The following CSF2RB variants were observed in gnomAD, a reference collection of about 807,000 sequenced individuals.
CSF2RB encodes the protein colony stimulating factor 2 receptor subunit beta.
A neutral mutation model predicts 67.2 loss-of-function variants in CSF2RB; 22 were observed. That is an observed-to-expected ratio of 0.33 (90% confidence interval 0.23 to 0.47). The LOEUF (loss-of-function observed/expected upper bound fraction) is 0.47, where lower values mean the gene tolerates loss of function less well. Ranked by LOEUF, CSF2RB falls within the 20% of genes least tolerant of loss-of-function variation. The pLI is 1.00. For missense variants in CSF2RB, 1,113 were observed against 1,174.5 expected (o/e 0.95, Z 0.76); for synonymous variants, 507 against 482.9 (o/e 1.05, Z -0.65).
chr22:36,926,654 C>T (rs980250177), intron 4 of CSF2RB, among the ~76,000 whole-genome samples: 4 of 152,218 alleles, frequency 2.6e-5, no homozygotes, highest in Non-Finnish European at 5.9e-5. Flanking sequence ...AGCTTGTCTC[C>T]TCGCTGCCCT....
intron 8 of CSF2RB, among the ~76,000 whole-genome samples, chr22:36,932,517 A>G (rs1260710658): frequency 2.0e-5 from 3 of 152,220 alleles, no homozygotes; most frequent in African/African-American, 7.2e-5. Flanking sequence ...AAAAATAAAA[A>G]TAAAAATAGG....
rs956970456 is a variant in CSF2RB, at chr22:36,936,964, G to A, written c.1568+312G>A. 9.9e-5 allele frequency among the ~76,000 whole-genome samples: 15 copies of A among 152,074 alleles called. No individual in the cohort carries two copies. The South Asian group carries it at 1.7e-3, about 17-fold the overall frequency. ...GGGGTAGCTGGGGCTGCAGACTCCC[G>A]GGAACTCGGCGCCTGAGCCGGCAGC... On this transcript the variant is annotated intron_variant, in intron 13 of 13. Transcript: ENST00000403662.
At chr22:36,927,398 C>T (rs1941040476) in intron 4 of CSF2RB, among the ~76,000 whole-genome samples, 1 of 152,002 alleles carries the variant, frequency 6.6e-6, no homozygotes, top group South Asian at 2.1e-4. Flanking sequence ...GGGCAGGGCC[C>T]CTGGGAGATC....
intron 3 of CSF2RB, 107 bp downstream of exon 3, chr22:36,923,474 G>A (rs1280629333): frequency 4.7e-6 from 7 of 1,491,098 alleles, no homozygotes; most frequent in African/African-American, 1.4e-5. Context: ...CCTCGGGGTG[G>A]GAGTGGACAG....
chr22:36,925,654 C>T (rs1940997575), intron 3 of CSF2RB, among the ~76,000 whole-genome samples: 1 of 152,202 alleles, frequency 6.6e-6, no homozygotes, highest in Non-Finnish European at 1.5e-5. Context: ...TCCCTCAATG[C>T]CTTTAACATT....
chr22:36,937,260 A>G lies in CSF2RB; in HGVS notation c.1569-117A>G. The G allele has an allele frequency of 2.3e-6, 3 of 1,295,544 alleles. No individual in the cohort carries two copies. The Admixed American group carries it at 5.5e-5, about 24-fold the overall frequency. 80.3% of individuals were successfully genotyped at this position (1,295,544 alleles called of 1,614,324 possible). A position where few individuals can be genotyped will look rare whatever the true frequency, so the allele number is the denominator to read the frequency against. On this transcript the variant is annotated intron_variant, in intron 13 of 13. Transcript: ENST00000403662. This position sits in a 1 kb window ranked among gnomAD's most constrained non-coding sequence, Gnocchi z 4.6. ...GTCCCGTTCAGGTTCTCTCTGTGAG[A>G]TCTGGGGGACATCAGGGCTTCCAGA...
intron 1 of CSF2RB, among the ~76,000 whole-genome samples, chr22:36,919,898 G>T (rs547231516): frequency 7.6e-4 from 115 of 152,242 alleles, no homozygotes; most frequent in African/African-American, 2.7e-3. Flanking sequence ...GTGTCTGCTG[G>T]GTTAGCATAT....
Position 36,930,362 on chromosome 22 carries a change from G to C in CSF2RB, c.719-13G>C. 1 of 1,613,398 alleles carries C rather than the reference G, an allele frequency of 6.2e-7. No homozygotes were observed. On this transcript the variant is annotated splice_polypyrimidine_tract_variant and intron_variant, in intron 6 of 13. Coordinates refer to ENST00000403662, the MANE Select transcript of CSF2RB (RefSeq NM_000395.3). ...TGAATGACGGAGTACATGAGGACCT[G>C]TCTCCAACCCAGGGGATGAGGCCCA...
chr22:36,929,281 C>A, intron 4 of CSF2RB, 121 bp from the exon 5 acceptor site: 1 of 1,320,518 alleles, frequency 7.6e-7, no homozygotes, highest in Non-Finnish European at 1.1e-6. Flanking sequence ...TGCTCAAGGT[C>A]CCTCAGCTGC....
At position 36,930,587 on chromosome 22, in the gene CSF2RB, C is replaced by T. The variant is rs189973117; in HGVS notation, c.854+77C>T. 3.9e-4 allele frequency: 636 copies of T among 1,611,128 alleles called. 3 individuals are homozygous for T. The African/African-American group carries it at 7.5e-3, about 19-fold the overall frequency. ...CAAGCTTCCTCCTGTCCCTGGGGCC[C>T]CAGCAGAAGCCACAGCCCACCCTAA... On this transcript the variant is annotated intron_variant, in intron 7 of 13. Coordinates refer to ENST00000403662, the MANE Select transcript of CSF2RB (RefSeq NM_000395.3).
At chr22:36,930,569 C>G in intron 7 of CSF2RB, 59 bp downstream of exon 7, 1 of 1,611,600 alleles carries the variant, frequency 6.2e-7, no homozygotes. Context: ...CTCCAAGCTT[C>G]CTCCTGTCCC....
chr22:36,918,087 C>T (rs543786178), intron 1 of CSF2RB, among the ~76,000 whole-genome samples: 1 of 152,300 alleles, frequency 6.6e-6, no homozygotes, highest in African/African-American at 2.4e-5. Flanking sequence ...ACATTAAAAT[C>T]ATCTGAGTTT....
At position 36,929,469 on chromosome 22, in the gene CSF2RB, T is replaced by C. The variant is rs1279144353; in HGVS notation, c.459T>C (p.Ser153=). The change falls in exon 5 of 14, where the codon AGT becomes AGC. Residue 153 remains serine (S), a synonymous_variant. Transcript: ENST00000403662. ...TDQDHFLLTW[S]VALGSPQSHW... is the part of the protein sequence containing the mutation. The stretch of plus-strand genomic sequence containing the variant: ...AGGACCACTTCCTGCTGACCTGGAG[T>C]GTGGCCCTTGGGAGTCCCCAGAGCC... 1.9e-6 allele frequency: 3 copies of C among 1,613,884 alleles called. No homozygotes were observed. Among genetic ancestry groups the C allele is most frequent in the African/African-American group, 1.3e-5 (1 of 74,866 alleles).
rs749463180 is a variant in CSF2RB, at chr22:36,937,417, C to T, written c.1609C>T (p.Leu537Phe). 6.2e-7 allele frequency: 1 copy of T among 1,613,996 alleles called. No individual in the cohort carries two copies. Among genetic ancestry groups the T allele is most frequent in the Non-Finnish European group, 8.5e-7 (1 of 1,179,982 alleles). Reference sequence around the variant, plus strand: ...ATTCGGGGACAGCGAGGTGTCACCTCTCACCATAGAGGACCCCAAGCATGT... The same window carrying T: ...ATTCGGGGACAGCGAGGTGTCACCTTTCACCATAGAGGACCCCAAGCATGT... ...VGFGDSEVSP[L>F]TIEDPKHVCD... Residue 537 changes from leucine to phenylalanine, a missense_variant, in exon 14 of 14, where the codon CTC becomes TTC. Coordinates refer to ENST00000403662, the MANE Select transcript of CSF2RB (RefSeq NM_000395.3). The surrounding 1 kb of genome is among the most constrained non-coding windows in gnomAD (Gnocchi z 4.6).
chr22:36,938,038 T>C lies in CSF2RB; in HGVS notation c.2230T>C (p.Leu744=), dbSNP rs1476009791. The change falls in exon 14 of 14, where the codon TTA becomes CTA. Residue 744 remains leucine (L), a synonymous_variant. Coordinates refer to ENST00000403662, the MANE Select transcript of CSF2RB (RefSeq NM_000395.3). ...LGLPSDQTPS[L]CPGLASGPPG... ...CCTCCCCTCAGACCAGACCCCCAGC[T>C]TATGTCCTGGGCTGGCCAGTGGACC... is the stretch of plus-strand genomic sequence containing the variant. 1 of 1,614,028 alleles carries C rather than the reference T, an allele frequency of 6.2e-7. No individual in the cohort carries two copies. The highest frequency in any genetic ancestry group is 2.2e-5 in the East Asian group (1 of 44,868).
At chr22:36,929,113 C>T (rs926099617) in intron 4 of CSF2RB, among the ~76,000 whole-genome samples, 4 of 152,190 alleles carry the variant, frequency 2.6e-5, no homozygotes, top group Admixed American at 6.5e-5. Flanking sequence ...AGTGGGGAGC[C>T]TCAGGACAGA....
In CSF2RB at chr22:36,939,873, A is replaced by G. The variant is rs533002511; in HGVS notation, c.*1371A>G. On this transcript the variant is annotated 3_prime_UTR_variant, in exon 14 of 14. Transcript: ENST00000403662. ...CTTCTTCACTTTTACTGTCAGATTT[A>G]CAAAGGTCCTCCCATTGCAAAGCAG... The G allele has an allele frequency of 1.3e-5, 2 of 152,406 alleles. No individual in the cohort carries two copies. Among genetic ancestry groups the G allele is most frequent in the East Asian group, 1.9e-4 (1 of 5,194 alleles). The allele number at this position is 152,406 out of a possible 1,614,324, so 9.4% of individuals were successfully genotyped here.
Position 36,939,030 on chromosome 22 carries a change from G to C in CSF2RB, c.*528G>C, listed in dbSNP as rs936473676. 7 of 655,378 alleles carry C rather than the reference G, an allele frequency of 1.1e-5. No homozygotes were observed. Among genetic ancestry groups the C allele is most frequent in the African/African-American group, 8.8e-5 (5 of 56,604 alleles). The allele number at this position is 655,378 out of a possible 1,614,324, so 40.6% of individuals were successfully genotyped here. ...ACCAGGTGGGCACCCGTGGGGGTTA[G>C]GGCTTGGAAGAGTGGCACAGGACTG... On this transcript the variant is annotated 3_prime_UTR_variant, in exon 14 of 14. Transcript: ENST00000403662.
At chr22:36,920,053 A>G (rs887921595) in intron 1 of CSF2RB, among the ~76,000 whole-genome samples, 13 of 152,206 alleles carry the variant, frequency 8.5e-5, no homozygotes, top group African/African-American at 2.4e-4. Context: ...GACCAATTAC[A>G]TAACATCCCA....
Sources: allele counts gnomAD v4.1 joint callset (sites outside exome capture counted in the v4.1 genomes callset), GRCh38; gene constraint gnomAD v4.1.1; non-coding constraint Gnocchi (gnomAD v3.1); transcripts MANE v1.5; gene names NCBI Gene and HGNC (gene_info 2026-07-23, HGNC 2026-07-21).